Variants in CACNG3 observed in about 807,000 individuals in gnomAD.
The protein encoded by CACNG3 is voltage-dependent calcium channel gamma-3 subunit.
A neutral mutation model predicts 28.5 loss-of-function variants in CACNG3; 3 were observed. The observed-to-expected ratio is 0.11, with a 90% CI of 0.05 to 0.27. The LOEUF (loss-of-function observed/expected upper bound fraction) is 0.27. Among genes scored for constraint, CACNG3 ranks in the 10% least tolerant of loss-of-function variants. CACNG3 has a pLI of 1.00. For synonymous variants in CACNG3, 174 were observed against 162.2 expected (o/e 1.07, Z -0.55); for missense variants, 236 against 414.4 (o/e 0.57, Z 3.74).
intron 1 of CACNG3, among the ~76,000 whole-genome samples, chr16:24,302,455 T>A (rs1263982820): frequency 6.6e-6 from 1 of 151,996 alleles, no homozygotes; most frequent in African/African-American, 2.4e-5. Context: ...TTGATTTTTT[T>A]TTATTTTTTT....
chr16:24,356,196 G>A (rs1229837209), intron 3 of CACNG3, among the ~76,000 whole-genome samples: 1 of 152,122 alleles, frequency 6.6e-6, no homozygotes, highest in Non-Finnish European at 1.5e-5. Context: ...GGGGGAAGAC[G>A]GGGCTGGACT....
At chr16:24,354,698 G>A (rs754352006) in intron 2 of CACNG3, 135 bp from the exon 3 acceptor site, 11 of 833,334 alleles carry the variant, frequency 1.3e-5, no homozygotes, top group Non-Finnish European at 1.9e-5. Flanking sequence ...TGAGCGCCTG[G>A]TCTCATGCCC....
chr16:24,266,108 C>T (rs1190659659), intron 1 of CACNG3, among the ~76,000 whole-genome samples: 2 of 152,114 alleles, frequency 1.3e-5, no homozygotes, highest in East Asian at 3.9e-4. Context: ...CTCATGGTGT[C>T]CAGGAAAATG....
chr16:24,353,086 C>T (rs150500506), intron 2 of CACNG3, among the ~76,000 whole-genome samples: 56 of 152,320 alleles, frequency 3.7e-4, no homozygotes, highest in African/African-American at 1.2e-3. Context: ...AGCAATTCTC[C>T]TCCCTCAGCC....
intron 1 of CACNG3, among the ~76,000 whole-genome samples, chr16:24,317,539 CA>C (rs201724967): frequency 6.8e-4 from 32 of 47,020 alleles, no homozygotes; most frequent in South Asian, 7.1e-4. Flanking sequence ...GATTCTGTCT[CA>C]AAAAAAAAAA....
In CACNG3 at chr16:24,300,951, G is replaced by A. The variant is rs1713074646; in HGVS notation, c.211+43986G>A. On this transcript the variant is annotated intron_variant, in intron 1 of 3. Coordinates refer to ENST00000005284, the MANE Select transcript of CACNG3 (RefSeq NM_006539.4). ...GTGGTCCCAGCTGCTCAGGAAGCAG[G>A]AGAGTCGCTTGAACCTGGGAGGTGG... Among the ~76,000 whole-genome samples the A allele has an allele frequency of 3.3e-5, 5 of 151,350 alleles. No individual in the cohort carries two copies. The South Asian group carries it at 1.0e-3, about 32-fold the overall frequency.
At chr16:24,353,035 C>T (rs908459259) in intron 2 of CACNG3, among the ~76,000 whole-genome samples, 5 of 152,170 alleles carry the variant, frequency 3.3e-5, no homozygotes, top group African/African-American at 1.2e-4. Flanking sequence ...AGTGTAATGG[C>T]GCAATTTTCA....
Position 24,355,371 on chromosome 16 carries a change from C to T in CACNG3, c.436+398C>T, listed in dbSNP as rs577502388. Among the ~76,000 whole-genome samples the T allele has an allele frequency of 2.0e-3, 49 of 23,944 alleles. No individual in the cohort carries two copies. The South Asian group carries it at 0.088, about 43-fold the overall frequency. 15.7% of individuals were successfully genotyped at this position (23,944 alleles called of 152,430 possible). On this transcript the variant is annotated intron_variant, in intron 3 of 3. Coordinates refer to ENST00000005284, the MANE Select transcript of CACNG3 (RefSeq NM_006539.4). The stretch of plus-strand genomic sequence containing the variant: ...GGAGGATTGTTTGAGCCCAGGAGTT[C>T]GAGACCAGCTGGGCAGCACAGTGAG...
intron 1 of CACNG3, among the ~76,000 whole-genome samples, chr16:24,308,699 G>A (rs1015523793): frequency 6.6e-6 from 1 of 151,810 alleles, no homozygotes; most frequent in Non-Finnish European, 1.5e-5. Flanking sequence ...TTAAAAATTA[G>A]CCAGCCATGT....
intron 2 of CACNG3, among the ~76,000 whole-genome samples, chr16:24,349,148 C>T (rs1205588240): frequency 6.6e-6 from 1 of 152,244 alleles, no homozygotes; most frequent in Non-Finnish European, 1.5e-5. Flanking sequence ...GGTGTTCACT[C>T]TGCCTGCCGG....
intron 1 of CACNG3, among the ~76,000 whole-genome samples, chr16:24,288,833 T>C (rs1325505655): frequency 6.6e-6 from 1 of 152,020 alleles, no homozygotes; most frequent in Non-Finnish European, 1.5e-5. Flanking sequence ...AAAATGATGA[T>C]TGAGCTGATT....
chr16:24,358,011 C>T (rs933117617), intron 3 of CACNG3, among the ~76,000 whole-genome samples: 1 of 152,198 alleles, frequency 6.6e-6, no homozygotes, highest in Non-Finnish European at 1.5e-5. Context: ...ATCCTAGACC[C>T]TTCCACTGAT....
chr16:24,275,207 A>C, intron 1 of CACNG3, among the ~76,000 whole-genome samples: 1 of 151,636 alleles, frequency 6.6e-6, no homozygotes, highest in East Asian at 1.9e-4. Flanking sequence ...AAAAAAAAAG[A>C]TATGATTTGC....
intron 1 of CACNG3, among the ~76,000 whole-genome samples, chr16:24,306,923 T>G (rs1230929909): frequency 6.6e-6 from 1 of 152,046 alleles, no homozygotes; most frequent in Non-Finnish European, 1.5e-5. Context: ...AGGGCAGGTG[T>G]GGTGGCAACA....
At chr16:24,335,133 T>C (rs1306457193) in intron 1 of CACNG3, among the ~76,000 whole-genome samples, 3 of 152,152 alleles carry the variant, frequency 2.0e-5, no homozygotes, top group Non-Finnish European at 4.4e-5. Flanking sequence ...TAAAAGTATT[T>C]ATTGGGCCAG....
At chr16:24,301,132 A>G (rs974371776) in intron 1 of CACNG3, among the ~76,000 whole-genome samples, 9 of 150,816 alleles carry the variant, frequency 6.0e-5, no homozygotes, top group African/African-American at 2.2e-4. Context: ...AATCACTTGA[A>G]CCCAGGAGGC....
At chr16:24,274,715 C>T (rs951493125) in intron 1 of CACNG3, among the ~76,000 whole-genome samples, 5 of 152,164 alleles carry the variant, frequency 3.3e-5, no homozygotes, top group African/African-American at 9.7e-5. Flanking sequence ...AGAATATCCC[C>T]GAGATGAGCT....
chr16:24,345,556 C>T (rs148581326), intron 1 of CACNG3, among the ~76,000 whole-genome samples: 2,410 of 152,124 alleles, frequency 0.016, 45 homozygotes, highest in African/African-American at 0.046. Context: ...AAAAATTAGC[C>T]GGGCATGGTG....
chr16:24,313,073 G>GAGGAAGGAAGGAAGGGAGGGAGGAAGGA (rs1899295575), intron 1 of CACNG3, among the ~76,000 whole-genome samples: 1 of 137,924 alleles, frequency 7.3e-6, no homozygotes, highest in Non-Finnish European at 1.5e-5. Context: ...GCGAGGGAGG[G>GAGGAAGGAAGGAAGGGAGGGAGGAAGGA]AGGAAGGAAG....
Sources: allele counts gnomAD v4.1 joint callset (sites outside exome capture counted in the v4.1 genomes callset), GRCh38; gene constraint gnomAD v4.1.1; transcripts MANE v1.5; gene names NCBI Gene and HGNC (gene_info 2026-07-23, HGNC 2026-07-21).